The following TP53INP1 variants were observed in gnomAD, a reference collection of about 807,000 sequenced individuals.
The protein encoded by TP53INP1 is tumor protein p53 inducible nuclear protein 1.
Under a neutral mutation model 21.0 loss-of-function variants are expected in TP53INP1, and 12 were observed. That is an observed-to-expected ratio of 0.57 (90% confidence interval 0.37 to 0.93). TP53INP1 has a LOEUF of 0.93. Among genes scored for constraint, TP53INP1 ranks in the 40% least tolerant of loss-of-function variants. The probability of loss-of-function intolerance (pLI) is 0.01; values close to 1 mark genes in which losing one functional copy is unlikely to be tolerated. For synonymous variants in TP53INP1, 91 were observed against 94.8 expected, an observed-to-expected ratio of 0.96 and a Z score of 0.23; for missense variants, 274 against 294.7, an observed-to-expected ratio of 0.93 and a Z score of 0.51.
intron 3 of TP53INP1, among the ~76,000 whole-genome samples, chr8:94,935,126 GAT>G (rs112603476): frequency 3.8e-4 from 37 of 97,806 alleles, no homozygotes; most frequent in African/African-American, 1.3e-3. Context: ...TAGGTAGATA[GAT>G]ATAGATAGAT....
Position 94,940,919 on chromosome 8 carries a change from A to G in TP53INP1, c.23T>C (p.Met8Thr). Residue 8 changes from methionine to threonine, a missense_variant, in exon 2 of 4, where the codon ATG becomes ACG. Coordinates refer to ENST00000342697, the MANE Select transcript of TP53INP1 (RefSeq NM_033285.4). MFQRLNK[M>T]FVGEVSSSSN... Reference sequence around the variant, plus strand: ...GGAAGAACTGACTTCACCCACAAACATTTTATTCAGCCTCTGGAACATTGT... The same window carrying G: ...GGAAGAACTGACTTCACCCACAAACGTTTTATTCAGCCTCTGGAACATTGT... 6.2e-7 allele frequency: 1 copy of G among 1,613,742 alleles called. No homozygotes were observed. Among genetic ancestry groups the G allele is most frequent in the Non-Finnish European group, 8.5e-7 (1 of 1,179,876 alleles).
chr8:94,930,359 TA>T lies in TP53INP1; in HGVS notation c.*119del. ...TCAAGATAGTGTCTAAATACACTGA[TA>T]AAACTATGTGATTGGTTATCAATTG... On this transcript the variant is annotated 3_prime_UTR_variant, in exon 4 of 4. Coordinates refer to ENST00000342697, the MANE Select transcript of TP53INP1 (RefSeq NM_033285.4). The T allele has an allele frequency of 7.1e-7, 1 of 1,399,090 alleles. No individual in the cohort carries two copies. Among genetic ancestry groups the T allele is most frequent in the South Asian group, 1.4e-5 (1 of 73,138 alleles). 86.7% of individuals were successfully genotyped at this position (1,399,090 alleles called of 1,614,324 possible).
chr8:94,939,336 G>A (rs150764973), intron 3 of TP53INP1, among the ~76,000 whole-genome samples: 2 of 152,298 alleles, frequency 1.3e-5, no homozygotes, highest in Non-Finnish European at 2.9e-5. Context: ...TTTTGTAAAT[G>A]AGAATGCTAT....
Position 94,940,302 on chromosome 8 carries a change from A to T in TP53INP1, c.113-82T>A, listed in dbSNP as rs1208779418. On this transcript the variant is annotated intron_variant, in intron 2 of 3. Transcript: ENST00000342697. Reference sequence around the variant, plus strand: ...ATGATTATCACATTGGGCAGTCATTATAAAGTCACCCATCAAATTCACAGC... The same window carrying T: ...ATGATTATCACATTGGGCAGTCATTTTAAAGTCACCCATCAAATTCACAGC... 3 of 1,466,810 alleles carry T rather than the reference A, an allele frequency of 2.0e-6. No individual in the cohort carries two copies. The African/African-American group carries it at 4.2e-5, about 21-fold the overall frequency. 90.9% of individuals were successfully genotyped at this position (1,466,810 alleles called of 1,614,324 possible).
intron 1 of TP53INP1, among the ~76,000 whole-genome samples, chr8:94,941,488 C>CT (rs1453206675): frequency 2.0e-5 from 3 of 152,210 alleles, no homozygotes; most frequent in African/African-American, 7.2e-5. Flanking sequence ...ACCATTATGC[C>CT]AGGCCCTCAT....
intron 3 of TP53INP1, among the ~76,000 whole-genome samples, chr8:94,935,128 T>TATAGATAGATAGATAG (rs56734843): frequency 0.031 from 4,476 of 144,710 alleles, 79 homozygotes; most frequent in Middle Eastern, 0.045. Flanking sequence ...GGTAGATAGA[T>TATAGATAGATAGATAG]ATAGATAGAT....
chr8:94,935,126 G>T (rs201579488), intron 3 of TP53INP1, among the ~76,000 whole-genome samples: 60 of 97,804 alleles, frequency 6.1e-4, no homozygotes, highest in Admixed American at 2.0e-3. Context: ...TAGGTAGATA[G>T]ATATAGATAG....
At chr8:94,936,052 C>T (rs757057828) in intron 3 of TP53INP1, among the ~76,000 whole-genome samples, 18 of 152,166 alleles carry the variant, frequency 1.2e-4, no homozygotes. Context: ...GAAACTGGCA[C>T]TTATGGCAAA....
At chr8:94,942,843 A>C (rs1431522798) in intron 1 of TP53INP1, among the ~76,000 whole-genome samples, 2 of 152,162 alleles carry the variant, frequency 1.3e-5, no homozygotes, top group African/African-American at 4.8e-5. Flanking sequence ...CACCTTCAGT[A>C]CCGCTCAAGG....
intron 2 of TP53INP1, among the ~76,000 whole-genome samples, chr8:94,940,562 T>C (rs1373189411): frequency 6.6e-6 from 1 of 152,156 alleles, no homozygotes; most frequent in Non-Finnish European, 1.5e-5. Flanking sequence ...GACATATTGG[T>C]TACTACTTGT....
chr8:94,946,690 C>T (rs1271747157), intron 1 of TP53INP1, among the ~76,000 whole-genome samples: 7 of 31,102 alleles, frequency 2.3e-4, no homozygotes, highest in Non-Finnish European at 4.9e-4. Context: ...GAGTAAGACC[C>T]TGTCTCAAAA....
In TP53INP1 at chr8:94,940,013, C is replaced by G; in HGVS notation, c.320G>C (p.Gly107Ala). The change falls in exon 3 of 4, where the codon GGT becomes GCT. Residue 107 changes from glycine (G) to alanine (A), a missense_variant. Physicochemically the swap from Gly to Ala is moderately conservative, Grantham distance 60. Coordinates refer to ENST00000342697, the MANE Select transcript of TP53INP1 (RefSeq NM_033285.4). ...TTCCACCTTGATAGTGGTTAATCCA[C>G]CTGCAGTAAAACATGGGGGTGGGGT... ...FITPPPCFTAGGLTTIKVETS... is the reference protein window; with the variant it reads ...FITPPPCFTAAGLTTIKVETS... 1.9e-6 allele frequency: 3 copies of G among 1,614,152 alleles called. No homozygotes were observed. The highest frequency in any genetic ancestry group is 2.5e-6 in the Non-Finnish European group (3 of 1,180,044).
intron 1 of TP53INP1, chr8:94,945,726 T>C (rs968430254): frequency 2.0e-5 from 3 of 152,232 alleles, no homozygotes; most frequent in African/African-American, 7.2e-5. Flanking sequence ...AGAGAAAGCA[T>C]GTGTCCTAAG....
chr8:94,935,255 C>T (rs1423950066), intron 3 of TP53INP1, among the ~76,000 whole-genome samples: 1 of 152,150 alleles, frequency 6.6e-6, no homozygotes, highest in Non-Finnish European at 1.5e-5. Flanking sequence ...CTCCAAGGAT[C>T]CAAATCCACC....
chr8:94,926,195 G>A lies in TP53INP1; in HGVS notation c.*4284C>T, dbSNP rs1459782944. 6.6e-6 allele frequency: 1 copy of A among 152,472 alleles called. No individual in the cohort carries two copies. The highest frequency in any genetic ancestry group is 2.4e-5 in the African/African-American group (1 of 41,364). 9.4% of individuals were successfully genotyped at this position (152,472 alleles called of 1,614,324 possible). A position where few individuals can be genotyped will look rare whatever the true frequency, so the allele number is the denominator to read the frequency against. The stretch of plus-strand genomic sequence containing the variant: ...TTTCTATAAAAACAAAATTTAGACC[G>A]TGGCTCAAGAAAACAAGCTGCCATT... On this transcript the variant is annotated 3_prime_UTR_variant, in exon 4 of 4. Transcript: ENST00000342697.
chr8:94,935,270 C>A (rs1470852596), intron 3 of TP53INP1, among the ~76,000 whole-genome samples: 1 of 152,130 alleles, frequency 6.6e-6, no homozygotes, highest in Non-Finnish European at 1.5e-5. Flanking sequence ...TCCACCTGGA[C>A]CCTCAACCTA....
chr8:94,946,501 G>C (rs1822001831), intron 1 of TP53INP1, among the ~76,000 whole-genome samples: 1 of 151,616 alleles, frequency 6.6e-6, no homozygotes, highest in South Asian at 2.1e-4. Context: ...AGGAGTTCAA[G>C]ACCAGCCTGG....
At chr8:94,930,806 C>T in intron 3 of TP53INP1, 78 bp from the exon 4 acceptor site, 1 of 1,472,900 alleles carries the variant, frequency 6.8e-7, no homozygotes, top group Non-Finnish European at 9.2e-7. Flanking sequence ...CTTAGCAATT[C>T]AATTTGCCAC....
chr8:94,931,609 C>CACATATATATAT (rs146282014), intron 3 of TP53INP1, among the ~76,000 whole-genome samples: 2 of 151,562 alleles, frequency 1.3e-5, no homozygotes, highest in Non-Finnish European at 2.9e-5. Context: ...CACACACACA[C>CACATATATATAT]ATAAAATTTT....
Sources: gnomAD v4.1 joint callset for allele counts (sites outside exome capture counted in the v4.1 genomes callset) on GRCh38, gnomAD v4.1.1 for gene constraint, MANE v1.5 for transcripts, NCBI Gene and HGNC (gene_info 2026-07-23, HGNC 2026-07-21) for gene names.